The following MATCAP1 variants were observed in gnomAD, a reference collection of about 807,000 sequenced individuals.
The protein encoded by MATCAP1 is microtubule-associated tyrosine carboxypeptidase 1.
At chr16:67,178,261 G>T in the MATCAP1 span, 1 of 1,566,620 alleles carries the variant, frequency 6.4e-7, no homozygotes, top group Non-Finnish European at 8.6e-7. Flanking sequence ...GCGCACATCG[G>T]CGTCCTGCAC....
chr16:67,176,173 C>T, the MATCAP1 span: 2 of 154,002 alleles, frequency 1.3e-5, no homozygotes, highest in African/African-American at 4.9e-5. The surrounding 1 kb of genome is among the most constrained non-coding windows in gnomAD (Gnocchi z 4.3). Flanking sequence ...GTGTCCTGTC[C>T]AACCCCCCGC....
the MATCAP1 span, chr16:67,180,631 C>T: frequency 6.7e-7 from 1 of 1,492,364 alleles, no homozygotes; most frequent in Non-Finnish European, 9.0e-7. Context: ...GGGTCACATC[C>T]AGCCGGGTCA....
chr16:67,176,089 G>A, the MATCAP1 span: 1 of 150,984 alleles, frequency 6.6e-6, no homozygotes, highest in African/African-American at 2.5e-5. This position sits in a 1 kb window ranked among gnomAD's most constrained non-coding sequence, Gnocchi z 4.3. Flanking sequence ...GTGTGTGTGT[G>A]TGTGTGTGTG....
the MATCAP1 span, chr16:67,178,175 C>A: frequency 2.0e-6 from 3 of 1,523,610 alleles, no homozygotes; most frequent in Non-Finnish European, 2.7e-6. Flanking sequence ...CGGCTCTAGG[C>A]ACCTCCCCCG....
At chr16:67,183,471 T>C in the MATCAP1 span, 1 of 152,270 alleles carries the variant, frequency 6.6e-6, no homozygotes, top group Admixed American at 6.5e-5. Context: ...GGAGTCTAGG[T>C]CCGTGTCCTC....
chr16:67,180,106 G>A, the MATCAP1 span: 1 of 1,614,168 alleles, frequency 6.2e-7, no homozygotes, highest in East Asian at 2.2e-5. Flanking sequence ...ATGGGCTCCT[G>A]GTACTCAAAC....
chr16:67,180,187 C>T, the MATCAP1 span: 1 of 1,614,086 alleles, frequency 6.2e-7, no homozygotes, highest in Non-Finnish European at 8.5e-7. Flanking sequence ...GGCCGCAGGG[C>T]CACCAACATG....
the MATCAP1 span, chr16:67,176,973 C>A: frequency 6.5e-7 from 1 of 1,545,690 alleles, no homozygotes; most frequent in South Asian, 1.2e-5. This position sits in a 1 kb window ranked among gnomAD's most constrained non-coding sequence, Gnocchi z 4.3. Context: ...CCTCATAGGA[C>A]ACCTGCAGGA....
At chr16:67,178,439 G>A in the MATCAP1 span, 9 of 1,537,350 alleles carry the variant, frequency 5.9e-6, no homozygotes, top group Non-Finnish European at 7.9e-6. Context: ...AGCCCGTACC[G>A]CAGCCGGCCC....
the MATCAP1 span, chr16:67,179,965 A>C: frequency 1.2e-6 from 2 of 1,614,130 alleles, no homozygotes; most frequent in South Asian, 2.2e-5. The surrounding 1 kb of genome is among the most constrained non-coding windows in gnomAD (Gnocchi z 5.2). Context: ...CTGCCTGTAC[A>C]CGGGGCCACA....
chr16:67,178,446 G>A, the MATCAP1 span: 5 of 1,536,114 alleles, frequency 3.3e-6, no homozygotes, highest in Middle Eastern at 2.0e-4. Context: ...ACCGCAGCCG[G>A]CCCTCCGCGT....
At chr16:67,182,189 C>T in the MATCAP1 span, among the ~76,000 whole-genome samples, 23 of 144,320 alleles carry the variant, frequency 1.6e-4, no homozygotes, top group Admixed American at 1.4e-3. Flanking sequence ...GCGGAGTTTG[C>T]GGTGAGCCAA....
chr16:67,177,540 G>A, the MATCAP1 span, among the ~76,000 whole-genome samples: 3 of 152,286 alleles, frequency 2.0e-5, no homozygotes, highest in Non-Finnish European at 4.4e-5. Flanking sequence ...GGCCTCCTCC[G>A]TGCCCCTGCA....
chr16:67,178,653 T>G, the MATCAP1 span: 3 of 770,810 alleles, frequency 3.9e-6, no homozygotes, highest in Non-Finnish European at 6.7e-6. Context: ...ACACAGGCTC[T>G]CCCAGCCCCA....
chr16:67,178,408 T>C, the MATCAP1 span: 3 of 1,543,872 alleles, frequency 1.9e-6, no homozygotes, highest in Non-Finnish European at 2.6e-6. Context: ...CAGGCCCTCC[T>C]CCGTGGGGTT....
At chr16:67,181,255 C>T in the MATCAP1 span, among the ~76,000 whole-genome samples, 6 of 152,364 alleles carry the variant, frequency 3.9e-5, no homozygotes, top group East Asian at 7.7e-4. Flanking sequence ...GCCACCCCTG[C>T]CCATCCACCT....
chr16:67,182,529 ACTGT>A, the MATCAP1 span, among the ~76,000 whole-genome samples: 3 of 152,234 alleles, frequency 2.0e-5, no homozygotes, highest in Non-Finnish European at 2.9e-5. Context: ...AATTTGAGAT[ACTGT>A]CTATTTGCCC....
chr16:67,176,932 A>G, the MATCAP1 span: 1 of 1,603,546 alleles, frequency 6.2e-7, no homozygotes, highest in Non-Finnish European at 8.5e-7. This position sits in a 1 kb window ranked among gnomAD's most constrained non-coding sequence, Gnocchi z 4.3. Context: ...GGTATTATCC[A>G]GCACCCCATG....
the MATCAP1 span, chr16:67,178,813 G>A: frequency 1.1e-5 from 7 of 634,814 alleles, no homozygotes; most frequent in African/African-American, 1.9e-5. Context: ...ATTGCCCCCA[G>A]CCCTCCTGGG....
Sources: gnomAD v4.1 joint callset for allele counts (sites outside exome capture counted in the v4.1 genomes callset) on GRCh38, gnomAD v4.1.1 for gene constraint, Gnocchi (gnomAD v3.1) non-coding constraint, MANE v1.5 for transcripts, NCBI Gene and HGNC (gene_info 2026-07-23, HGNC 2026-07-21) for gene names.